MEIKIN: variants seen among roughly 807,000 people sequenced by gnomAD.
MEIKIN encodes meiotic kinetochore factor.
At chr5:131,924,551 G>A (rs1041567513) in intron 5 of MEIKIN, among the ~76,000 whole-genome samples, 2 of 152,068 alleles carry the variant, frequency 1.3e-5, no homozygotes, top group South Asian at 4.1e-4. Flanking sequence ...CTGTGGTTTT[G>A]ATTTGCATGT....
chr5:131,882,251 C>T (rs1204558957), intron 8 of MEIKIN, among the ~76,000 whole-genome samples: 1 of 152,178 alleles, frequency 6.6e-6, no homozygotes, highest in African/African-American at 2.4e-5. Flanking sequence ...CTATTCTCCA[C>T]ATAACAGCCA....
At chr5:131,938,406 A>G (rs1469396624) in intron 4 of MEIKIN, among the ~76,000 whole-genome samples, 1 of 151,994 alleles carries the variant, frequency 6.6e-6, no homozygotes, top group Non-Finnish European at 1.5e-5. Context: ...AGGCTCAGGC[A>G]ATCCACCCGC....
At chr5:131,853,141 A>G (rs1489549906) in intron 10 of MEIKIN, among the ~76,000 whole-genome samples, 1 of 152,194 alleles carries the variant, frequency 6.6e-6, no homozygotes, top group Non-Finnish European at 1.5e-5. Flanking sequence ...TGGTAAAAAT[A>G]ATGTCTGATT....
rs967818449 is a variant in MEIKIN, at chr5:131,822,467, T to C, written c.976-3604A>G. On this transcript the variant is annotated intron_variant, in intron 11 of 12. Transcript: ENST00000442687. The stretch of plus-strand genomic sequence containing the variant: ...TATTTTTTGTGTATCTGTTGTATAT[T>C]TTTTGATTTGAGGTTACCATGAGGC... Among the ~76,000 whole-genome samples the C allele has an allele frequency of 5.3e-5, 8 of 152,190 alleles. No homozygotes were observed. The East Asian group carries it at 1.3e-3, about 26-fold the overall frequency.
intron 4 of MEIKIN, 116 bp from the exon 5 acceptor site, chr5:131,933,757 T>A (rs1207484176): frequency 2.6e-6 from 1 of 387,840 alleles, no homozygotes; most frequent in Non-Finnish European, 4.5e-6. Context: ...TACTAGAACA[T>A]AAGACTGCTT....
intron 11 of MEIKIN, among the ~76,000 whole-genome samples, chr5:131,849,074 C>A (rs767136805): frequency 1.3e-5 from 2 of 152,076 alleles, no homozygotes; most frequent in African/African-American, 4.8e-5. Flanking sequence ...AAATAAAAGC[C>A]ATTGATACGG....
At chr5:131,832,726 T>C (rs955929754) in intron 11 of MEIKIN, among the ~76,000 whole-genome samples, 3 of 152,260 alleles carry the variant, frequency 2.0e-5, no homozygotes, top group Non-Finnish European at 4.4e-5. Flanking sequence ...TTGACTTCTG[T>C]GCACCCACAG....
chr5:131,840,290 A>C (rs531368136), intron 11 of MEIKIN, among the ~76,000 whole-genome samples: 1 of 152,082 alleles, frequency 6.6e-6, no homozygotes, highest in Non-Finnish European at 1.5e-5. Context: ...GCTGCCTTTA[A>C]CCTTTTTTCT....
At chr5:131,867,391 G>A (rs1020256234) in intron 9 of MEIKIN, among the ~76,000 whole-genome samples, 2 of 152,092 alleles carry the variant, frequency 1.3e-5, no homozygotes, top group African/African-American at 4.8e-5. Context: ...AAAGTCCACA[G>A]TTTACCTTAG....
At chr5:131,903,391 C>T (rs1307412755) in intron 8 of MEIKIN, among the ~76,000 whole-genome samples, 1 of 152,118 alleles carries the variant, frequency 6.6e-6, no homozygotes, top group Admixed American at 6.6e-5. Flanking sequence ...ATGTTAAAGT[C>T]AGCTAGAGTG....
chr5:131,850,968 A>G (rs1375313809), intron 11 of MEIKIN, among the ~76,000 whole-genome samples: 3 of 152,116 alleles, frequency 2.0e-5, no homozygotes, highest in Non-Finnish European at 4.4e-5. Flanking sequence ...AGAAAAGAAA[A>G]GAAAAAGGCA....
At chr5:131,852,740 GCA>G (rs1325948853) in intron 10 of MEIKIN, among the ~76,000 whole-genome samples, 5 of 152,124 alleles carry the variant, frequency 3.3e-5, no homozygotes, top group South Asian at 2.1e-4. Flanking sequence ...GATGATAGTT[GCA>G]CAGTTTTTAA....
In MEIKIN at chr5:131,911,810, G is replaced by A. The variant is rs1178290680; in HGVS notation, c.703+5C>T. The A allele has an allele frequency of 2.0e-5, 8 of 397,228 alleles. No individual in the cohort carries two copies. In the East Asian group the frequency reaches 2.5e-4, roughly 12 times the overall value. 24.6% of individuals were successfully genotyped at this position (397,228 alleles called of 1,614,324 possible). ...CATAAAATAATTAGTTTCATTATTT[G>A]TTACCTGATTCTGAATTTGAAGCAC... On this transcript the variant is annotated splice_donor_5th_base_variant and intron_variant, in intron 8 of 12. Coordinates refer to ENST00000442687, the MANE Select transcript of MEIKIN (RefSeq NM_001303622.2).
At chr5:131,935,888 T>TC (rs1431127905) in intron 4 of MEIKIN, among the ~76,000 whole-genome samples, 2 of 143,032 alleles carry the variant, frequency 1.4e-5, no homozygotes, top group Non-Finnish European at 3.1e-5. Context: ...TCCTCAACTG[T>TC]CAGAGTAGTA....
intron 12 of MEIKIN, among the ~76,000 whole-genome samples, chr5:131,811,446 C>T (rs1772951884): frequency 6.6e-6 from 1 of 151,834 alleles, no homozygotes; most frequent in African/African-American, 2.4e-5. Context: ...ACCTCTGCCT[C>T]CTGGCACCTG....
chr5:131,944,429 C>T (rs914190719), intron 3 of MEIKIN: 1 of 346,190 alleles, frequency 2.9e-6, no homozygotes, highest in East Asian at 4.3e-5. Flanking sequence ...CAATTATGGA[C>T]GTTTCTCCAA....
At chr5:131,846,082 G>C (rs1344659662) in intron 11 of MEIKIN, among the ~76,000 whole-genome samples, 1 of 152,196 alleles carries the variant, frequency 6.6e-6, no homozygotes. Context: ...CAGATTTCTT[G>C]TCAGAAATGT....
intron 12 of MEIKIN, among the ~76,000 whole-genome samples, chr5:131,809,095 C>T (rs1262666947): frequency 1.3e-5 from 2 of 151,972 alleles, no homozygotes; most frequent in Non-Finnish European, 2.9e-5. Context: ...ATATATACCT[C>T]TATTGGGCTT....
At chr5:131,814,291 T>C (rs976210538) in intron 12 of MEIKIN, among the ~76,000 whole-genome samples, 1 of 151,806 alleles carries the variant, frequency 6.6e-6, no homozygotes, top group Non-Finnish European at 1.5e-5. Flanking sequence ...TTTTTTTTTT[T>C]TTTGAGACAG....
Sources: allele counts gnomAD v4.1 joint callset (sites outside exome capture counted in the v4.1 genomes callset), GRCh38; gene constraint gnomAD v4.1.1; transcripts MANE v1.5; gene names NCBI Gene and HGNC (gene_info 2026-07-23, HGNC 2026-07-21).